Variants in CCAR1 observed in about 807,000 individuals in gnomAD.
The protein encoded by CCAR1 is cell division cycle and apoptosis regulator 1.
CCAR1 carries 78 observed loss-of-function variants against 163.8 expected under a neutral mutation model. That is an observed-to-expected ratio of 0.48 (90% CI 0.40 to 0.57). The LOEUF (loss-of-function observed/expected upper bound fraction) is 0.57, where lower values mean the gene tolerates loss of function less well. CCAR1 is among the 20% of genes least tolerant of loss of function. CCAR1 has a pLI of 0.00. For synonymous variants in CCAR1, 443 were observed against 460.7 expected (o/e 0.96, Z 0.49); for missense variants, 1,019 against 1,365.2 (o/e 0.75, Z 4.00).
intron 2 of CCAR1, among the ~76,000 whole-genome samples, chr10:68,723,154 C>T (rs1224715222): frequency 6.7e-6 from 1 of 148,554 alleles, no homozygotes; most frequent in Admixed American, 6.7e-5. Flanking sequence ...TTGAGTCTTG[C>T]TCTGTCGCCC....
At position 68,731,559 on chromosome 10, in the gene CCAR1, A is replaced by G. The variant is rs562578093; in HGVS notation, c.74-5317A>G. Among the ~76,000 whole-genome samples the G allele has an allele frequency of 2.7e-3, 410 of 149,208 alleles. 3 individuals carry two copies. The highest frequency in any genetic ancestry group is 9.4e-3 in the African/African-American group (382 of 40,658). ...CTATCAATTTTTCCTAGCAGTCAAA[A>G]TCTTCATTACCTATTAAATTGTCTT... On this transcript the variant is annotated intron_variant, in intron 2 of 24. Coordinates refer to ENST00000265872, the MANE Select transcript of CCAR1 (RefSeq NM_018237.4).
At chr10:68,733,006 A>G (rs1045552554) in intron 2 of CCAR1, among the ~76,000 whole-genome samples, 2 of 152,152 alleles carry the variant, frequency 1.3e-5, no homozygotes, top group African/African-American at 4.8e-5. Flanking sequence ...CTCATTTTGA[A>G]TTAATACTGG....
intron 2 of CCAR1, among the ~76,000 whole-genome samples, chr10:68,725,448 T>C (rs1302765089): frequency 6.6e-6 from 1 of 151,672 alleles, no homozygotes; most frequent in East Asian, 1.9e-4. Context: ...TCAAAGTAAA[T>C]AGAAAATGTT....
chr10:68,746,459 A>C lies in CCAR1; in HGVS notation c.519-702A>C, dbSNP rs2133344448. On this transcript the variant is annotated intron_variant, in intron 6 of 24. Transcript: ENST00000265872. ...TGGTCAGGCTGGTCTTGAACTCCTG[A>C]CCATGTTAGCCAGGCTGGTGTTGAA... Among the ~76,000 whole-genome samples the C allele has an allele frequency of 1.3e-5, 2 of 151,916 alleles. 1 individual carries two copies. Among genetic ancestry groups the C allele is most frequent in the South Asian group, 4.2e-4 (2 of 4,812 alleles).
intron 10 of CCAR1, 109 bp downstream of exon 10, chr10:68,749,794 G>A (rs1482006702): frequency 3.2e-6 from 3 of 929,502 alleles, no homozygotes; most frequent in Non-Finnish European, 3.3e-6. Flanking sequence ...GACAGTTAGT[G>A]TTCTTCATAT....
Position 68,749,597 on chromosome 10 carries a change from C to G in CCAR1, c.1030C>G (p.Pro344Ala). 2 of 1,613,682 alleles carry G rather than the reference C, an allele frequency of 1.2e-6. No homozygotes were observed. The highest frequency in any genetic ancestry group is 1.7e-6 in the Non-Finnish European group (2 of 1,179,768). ...PQRKRSRERSPRRERERSPRR... is the reference protein window; with the variant it reads ...PQRKRSRERSARRERERSPRR... Reference sequence around the variant, plus strand: ...GAGGAAACGTTCCCGGGAAAGATCTCCACGAAGAGAGCGAGAGCGATCACC... The same window carrying G: ...GAGGAAACGTTCCCGGGAAAGATCTGCACGAAGAGAGCGAGAGCGATCACC... Residue 344 changes from proline (P) to alanine (A), a missense_variant, in exon 10 of 25, where the codon CCA (proline) becomes GCA (alanine). Physicochemically the swap from Pro to Ala is conservative, Grantham distance 27. Transcript: ENST00000265872.
chr10:68,761,803 T>C (rs571368120), intron 16 of CCAR1, among the ~76,000 whole-genome samples: 5 of 151,366 alleles, frequency 3.3e-5, no homozygotes, highest in Non-Finnish European at 5.9e-5. Context: ...TGTTTTTCCA[T>C]GTTGGTCAGG....
At chr10:68,766,630 A>G (rs1293893721) in intron 17 of CCAR1, among the ~76,000 whole-genome samples, 1 of 151,934 alleles carries the variant, frequency 6.6e-6, no homozygotes, top group Admixed American at 6.6e-5. Context: ...GGGTTCAAGC[A>G]GTTCTCCTGC....
chr10:68,739,655 C>G (rs34640305), intron 4 of CCAR1, among the ~76,000 whole-genome samples: 15,085 of 152,134 alleles, frequency 0.099, 933 homozygotes, highest in South Asian at 0.16. Context: ...GTCTTGTTTT[C>G]AGAGTACCTT....
Position 68,781,657 on chromosome 10 carries a change from C to T in CCAR1, c.2651-4479C>T, listed in dbSNP as rs192435459. Reference sequence around the variant, plus strand: ...GATCACTTGAGGCTAGGAGTAAAGACCAGCATCTGCAACATAGTGATACCC... The same window carrying T: ...GATCACTTGAGGCTAGGAGTAAAGATCAGCATCTGCAACATAGTGATACCC... On this transcript the variant is annotated intron_variant, in intron 19 of 24. Coordinates refer to ENST00000265872, the MANE Select transcript of CCAR1 (RefSeq NM_018237.4). Among the ~76,000 whole-genome samples the T allele has an allele frequency of 4.2e-4, 64 of 152,116 alleles. 3 individuals are homozygous for T. The East Asian group carries it at 0.01, about 24-fold the overall frequency.
At chr10:68,769,330 G>A (rs1214738653) in intron 17 of CCAR1, among the ~76,000 whole-genome samples, 1 of 152,060 alleles carries the variant, frequency 6.6e-6, no homozygotes, top group African/African-American at 2.4e-5. Flanking sequence ...CTTAGAAATT[G>A]GTACATAAGG....
rs1465197716 is a variant in CCAR1, at chr10:68,792,030, A to C, written c.*764A>C. ...AGGTTGCAGTCACTCAGGATCATGC[A>C]GCTACACTCCAGCCTGGGCGACAAG... On this transcript the variant is annotated 3_prime_UTR_variant, in exon 25 of 25. Transcript: ENST00000265872. The C allele has an allele frequency of 6.6e-6, 1 of 151,992 alleles. No individual in the cohort carries two copies. Among genetic ancestry groups the C allele is most frequent in the African/African-American group, 2.4e-5 (1 of 41,340 alleles). 9.4% of individuals were successfully genotyped at this position (151,992 alleles called of 1,614,324 possible).
At chr10:68,726,548 G>A (rs1439996825) in intron 2 of CCAR1, among the ~76,000 whole-genome samples, 1 of 152,078 alleles carries the variant, frequency 6.6e-6, no homozygotes, top group Non-Finnish European at 1.5e-5. Context: ...TGGCTTGGTG[G>A]TGATACTCTA....
chr10:68,775,210 A>G (rs1364828750), intron 19 of CCAR1, among the ~76,000 whole-genome samples: 2 of 152,170 alleles, frequency 1.3e-5, no homozygotes, highest in Non-Finnish European at 2.9e-5. Context: ...TGAAATAACC[A>G]CAATTCCATA....
chr10:68,729,739 C>T (rs1395106835), intron 2 of CCAR1, among the ~76,000 whole-genome samples: 1 of 151,142 alleles, frequency 6.6e-6, no homozygotes, highest in African/African-American at 2.4e-5. Flanking sequence ...TTTCTTGGGT[C>T]AGTTTGAAAT....
intron 1 of CCAR1, chr10:68,721,528 A>C (rs1238775260): frequency 4.5e-6 from 2 of 445,496 alleles, no homozygotes. Context: ...AGCGCCCCTC[A>C]GCCTCGGCAT....
chr10:68,778,698 T>A (rs1471724950), intron 19 of CCAR1, among the ~76,000 whole-genome samples: 1 of 152,246 alleles, frequency 6.6e-6, no homozygotes, highest in Non-Finnish European at 1.5e-5. Context: ...TGGAACAGTC[T>A]AAATAATTAA....
chr10:68,786,640 A>T lies in CCAR1; in HGVS notation c.2828A>T (p.Lys943Met). 1 of 1,605,680 alleles carries T rather than the reference A, an allele frequency of 6.2e-7. No homozygotes were observed. Among genetic ancestry groups the T allele is most frequent in the South Asian group, 1.1e-5 (1 of 89,214 alleles). ...AGTCATTGTGGTTACCTTCTTGAAA[A>T]GGATTTGGAAGAAATACTTTATACT... is the stretch of plus-strand genomic sequence containing the variant. ...DQSHCGYLLE[K>M]DLEEILYTLG... Residue 943 changes from lysine to methionine, a missense_variant, in exon 21 of 25, where the codon AAG (lysine) becomes ATG (methionine). By Grantham distance (95) the Lys-to-Met change is moderately conservative (BLOSUM62 -1). This residue lies in a region of CCAR1 where 358 missense variants were observed against 406.4 expected (regional missense o/e 0.88). Coordinates refer to ENST00000265872, the MANE Select transcript of CCAR1 (RefSeq NM_018237.4).
chr10:68,763,096 C>T (rs995656240), intron 16 of CCAR1, among the ~76,000 whole-genome samples: 2 of 144,058 alleles, frequency 1.4e-5, no homozygotes, highest in African/African-American at 5.1e-5. Context: ...TTAGGTGATG[C>T]ATGGACTTGT....
Sources: gnomAD v4.1 joint callset for allele counts (sites outside exome capture counted in the v4.1 genomes callset) on GRCh38, gnomAD v4.1.1 for gene constraint, gnomAD v4.1.1 regional missense constraint, MANE v1.5 for transcripts, NCBI Gene and HGNC (gene_info 2026-07-23, HGNC 2026-07-21) for gene names.